MAP4K5: variants seen among roughly 807,000 people sequenced by gnomAD.
MAP4K5 encodes the protein MAPK/ERK kinase kinase kinase 5.
Under a neutral mutation model 135.6 loss-of-function variants are expected in MAP4K5, and 82 were observed. The ratio of observed to expected loss-of-function variants is 0.60; its 90% CI spans 0.51 to 0.73. The LOEUF is 0.73. MAP4K5 is among the 30% of genes least tolerant of loss of function. MAP4K5 has a pLI of 0.00. For missense variants in MAP4K5, 907 were observed against 1,010.9 expected (o/e 0.90, Z 1.39); for synonymous variants, 347 against 335.0 (o/e 1.04, Z -0.39).
At chr14:50,489,335 G>A (rs2037433623) in intron 3 of MAP4K5, among the ~76,000 whole-genome samples, 1 of 152,184 alleles carries the variant, frequency 6.6e-6, no homozygotes, top group Admixed American at 6.5e-5. Context: ...GGAACAGAGT[G>A]AGAGTCTGTC....
intron 13 of MAP4K5, among the ~76,000 whole-genome samples, chr14:50,457,268 G>A (rs1265294689): frequency 6.6e-6 from 1 of 151,790 alleles, no homozygotes; most frequent in African/African-American, 2.4e-5. Flanking sequence ...ATTTTTTGGA[G>A]ACTTTACAGC....
intron 30 of MAP4K5, among the ~76,000 whole-genome samples, chr14:50,427,539 C>T (rs1288926436): frequency 6.6e-6 from 1 of 151,990 alleles, no homozygotes; most frequent in Non-Finnish European, 1.5e-5. Flanking sequence ...TAATGAAAAT[C>T]GTGTTTTTAA....
At chr14:50,476,877 T>C (rs1182109535) in intron 6 of MAP4K5, among the ~76,000 whole-genome samples, 1 of 152,236 alleles carries the variant, frequency 6.6e-6, no homozygotes, top group East Asian at 1.9e-4. Flanking sequence ...TCCTTTATAA[T>C]TTTCCCATTC....
At chr14:50,498,158 G>A (rs1488129880) in intron 3 of MAP4K5, among the ~76,000 whole-genome samples, 2 of 152,136 alleles carry the variant, frequency 1.3e-5, no homozygotes, top group African/African-American at 4.8e-5. Flanking sequence ...ACAGAAGACA[G>A]GAAAACATGG....
At chr14:50,513,634 G>A (rs1051292379) in intron 2 of MAP4K5, among the ~76,000 whole-genome samples, 16 of 150,830 alleles carry the variant, frequency 1.1e-4, no homozygotes, top group African/African-American at 3.9e-4. Context: ...AAAAGCTATG[G>A]CAACCAAGAC....
At chr14:50,469,563 A>C (rs2036909764) in intron 9 of MAP4K5, among the ~76,000 whole-genome samples, 1 of 152,214 alleles carries the variant, frequency 6.6e-6, no homozygotes, top group Non-Finnish European at 1.5e-5. Flanking sequence ...GATAGTGTGA[A>C]ATCAGGTGAA....
At chr14:50,490,420 T>G (rs1310073551) in intron 3 of MAP4K5, among the ~76,000 whole-genome samples, 1 of 152,210 alleles carries the variant, frequency 6.6e-6, no homozygotes, top group African/African-American at 2.4e-5. Context: ...CATTGGGGGT[T>G]TGTGTTTTAA....
chr14:50,526,933 C>A (rs886794210), intron 2 of MAP4K5, among the ~76,000 whole-genome samples: 12 of 151,874 alleles, frequency 7.9e-5, no homozygotes, highest in Admixed American at 7.9e-4. Context: ...AAGACTTCTA[C>A]GCAAATTATA....
chr14:50,442,656 T>G (rs1404241705), intron 21 of MAP4K5, 76 bp downstream of exon 21: 1 of 1,044,198 alleles, frequency 9.6e-7, no homozygotes, highest in African/African-American at 1.6e-5. Context: ...ATAAACAACT[T>G]CAAGTCACTG....
intron 1 of MAP4K5, among the ~76,000 whole-genome samples, chr14:50,545,276 G>C (rs1459916429): frequency 1.3e-5 from 2 of 152,182 alleles, no homozygotes; most frequent in African/African-American, 4.8e-5. Context: ...TCATCTACTT[G>C]CCAATCTGAA....
At chr14:50,442,919 C>A in intron 20 of MAP4K5, 103 bp from the exon 21 acceptor site, 1 of 647,778 alleles carries the variant, frequency 1.5e-6, no homozygotes, top group East Asian at 3.0e-5. Context: ...CTCTTATTTG[C>A]GTATGCTTGT....
intron 6 of MAP4K5, among the ~76,000 whole-genome samples, chr14:50,479,005 G>GTTTTTTTTTTTTTTT (rs371399947): frequency 6.6e-6 from 1 of 151,210 alleles, no homozygotes; most frequent in African/African-American, 2.4e-5. Context: ...AGTTTTTTTC[G>GTTTTTTTTTTTTTTT]TTTTTTTTTT....
chr14:50,494,384 T>C (rs891429657), intron 3 of MAP4K5, among the ~76,000 whole-genome samples: 1 of 152,022 alleles, frequency 6.6e-6, no homozygotes, highest in African/African-American at 2.4e-5. Flanking sequence ...GCCAGGCTGG[T>C]CTCGAACTCC....
intron 28 of MAP4K5, 119 bp from the exon 29 acceptor site, chr14:50,429,379 T>A: frequency 1.6e-6 from 1 of 614,214 alleles, no homozygotes; most frequent in Non-Finnish European, 2.8e-6. Flanking sequence ...AACACAGAAT[T>A]TATATTTTGT....
At chr14:50,491,691 T>C (rs2037487346) in intron 3 of MAP4K5, among the ~76,000 whole-genome samples, 1 of 151,698 alleles carries the variant, frequency 6.6e-6, no homozygotes, top group Non-Finnish European at 1.5e-5. Context: ...AACTTTCTTT[T>C]TTTTTTTTTT....
rs996269288 is a variant in MAP4K5 at position 50,456,269 on chromosome 14, C to CT, written c.1015+246dup. The CT allele has an allele frequency of 1.0e-4, 46 of 461,498 alleles. 1 individual carries two copies. Among genetic ancestry groups the CT allele is most frequent in the South Asian group, 1.6e-4 (6 of 36,690 alleles). 28.6% of individuals were successfully genotyped at this position (461,498 alleles called of 1,614,324 possible). A position where few individuals can be genotyped will look rare whatever the true frequency, so the allele number is the denominator to read the frequency against. On this transcript the variant is annotated intron_variant, in intron 14 of 32. Coordinates refer to ENST00000682126, the MANE Select transcript of MAP4K5 (RefSeq NM_006575.6). ...TGATTGCATGCAATGTTAATTTTCT[C>CT]TTTTTTTTCTTGCAGATTTTCAGCA...
chr14:50,555,344 T>C (rs2038753344), intron 1 of MAP4K5, among the ~76,000 whole-genome samples: 1 of 152,182 alleles, frequency 6.6e-6, no homozygotes, highest in African/African-American at 2.4e-5. Context: ...TGCAGTGGCG[T>C]GATCTTGGCT....
chr14:50,464,009 A>C (rs1595470196), intron 12 of MAP4K5, 43 bp downstream of exon 12: 1 of 1,104,678 alleles, frequency 9.1e-7, no homozygotes. Flanking sequence ...GATATGTCTA[A>C]TTTATGACTA....
intron 14 of MAP4K5, among the ~76,000 whole-genome samples, chr14:50,451,955 CAA>C (rs572169646): frequency 6.6e-6 from 1 of 152,090 alleles, no homozygotes; most frequent in African/African-American, 2.4e-5. Context: ...TCTCGTGGTA[CAA>C]AAGTGATATG....
Sources: allele counts gnomAD v4.1 joint callset (sites outside exome capture counted in the v4.1 genomes callset), GRCh38; gene constraint gnomAD v4.1.1; transcripts MANE v1.5; gene names NCBI Gene and HGNC (gene_info 2026-07-23, HGNC 2026-07-21).